DAB1: variants seen among roughly 807,000 people sequenced by gnomAD.
DAB1 encodes DAB adaptor protein 1, also known as disabled homolog 1.
DAB1 carries 15 observed loss-of-function variants against 64.6 expected under a neutral mutation model. That is an observed-to-expected ratio of 0.23 (90% CI 0.16 to 0.36). The LOEUF (loss-of-function observed/expected upper bound fraction) is 0.36, where lower values mean the gene tolerates loss of function less well. Ranked by LOEUF, DAB1 falls within the 10% of genes least tolerant of loss-of-function variation. The pLI is 1.00. For synonymous variants in DAB1, 235 were observed against 251.9 expected, an observed-to-expected ratio of 0.93 and a Z score of 0.64; for missense variants, 596 against 706.7, an observed-to-expected ratio of 0.84 and a Z score of 1.78.
intron 3 of DAB1, among the ~76,000 whole-genome samples, chr1:58,489,256 T>C (rs1368931286): frequency 1.3e-5 from 2 of 152,170 alleles, no homozygotes; most frequent in African/African-American, 2.4e-5. Flanking sequence ...ATACTGCAAT[T>C]TTCCGACGGT....
At chr1:57,203,267 C>T (rs1239875466) in intron 2 of DAB1, among the ~76,000 whole-genome samples, 1 of 152,200 alleles carries the variant, frequency 6.6e-6, no homozygotes, top group African/African-American at 2.4e-5. Flanking sequence ...TCCTTCAAGT[C>T]CCCTCTCACT....
At chr1:58,545,777 T>C (rs997720685) in intron 1 of DAB1, among the ~76,000 whole-genome samples, 9 of 152,246 alleles carry the variant, frequency 5.9e-5, no homozygotes, top group African/African-American at 1.9e-4. Flanking sequence ...CTCTAGTTTC[T>C]ATGGAAACAG....
intron 1 of DAB1, among the ~76,000 whole-genome samples, chr1:57,883,029 C>A (rs1644168996): frequency 6.6e-6 from 1 of 152,180 alleles, no homozygotes; most frequent in Non-Finnish European, 1.5e-5. Flanking sequence ...CTATATCATG[C>A]ATACAGTTTT....
intron 6 of DAB1, among the ~76,000 whole-genome samples, chr1:57,796,295 AG>A (rs1386575006): frequency 3.3e-5 from 5 of 152,022 alleles, no homozygotes; most frequent in African/African-American, 1.2e-4. Flanking sequence ...TGGGAGGCCG[AG>A]GCAGGCGGAT....
At chr1:58,190,336 C>T (rs142748986) in intron 4 of DAB1, among the ~76,000 whole-genome samples, 5 of 152,314 alleles carry the variant, frequency 3.3e-5, no homozygotes, top group East Asian at 1.9e-4. Flanking sequence ...TGTGGGGTTC[C>T]TGACACTGAC....
At chr1:57,805,337 T>G (rs11207110) in intron 6 of DAB1, among the ~76,000 whole-genome samples, 28,265 of 152,150 alleles carry the variant, frequency 0.19, 2,918 homozygotes, top group Admixed American at 0.31. Context: ...TCATAGGATA[T>G]TCACCAAGGT....
At chr1:57,898,338 C>T (rs1250359974) in intron 5 of DAB1, among the ~76,000 whole-genome samples, 1 of 152,134 alleles carries the variant, frequency 6.6e-6, no homozygotes, top group Non-Finnish European at 1.5e-5. Flanking sequence ...TATTTCTTTA[C>T]ATTTGCAAAG....
At chr1:57,948,133 T>C (rs1645211449) in intron 5 of DAB1, among the ~76,000 whole-genome samples, 1 of 152,216 alleles carries the variant, frequency 6.6e-6, no homozygotes, top group Non-Finnish European at 1.5e-5. Context: ...CTCTGGAAAC[T>C]ACATAACTAC....
chr1:57,881,872 A>G (rs971686477), intron 1 of DAB1, among the ~76,000 whole-genome samples: 2 of 152,208 alleles, frequency 1.3e-5, no homozygotes, highest in African/African-American at 4.8e-5. Flanking sequence ...TTTGTTCTAT[A>G]AAAGGAAAGA....
intron 4 of DAB1, among the ~76,000 whole-genome samples, chr1:58,203,291 T>C (rs1658097990): frequency 6.6e-6 from 1 of 152,222 alleles, no homozygotes; most frequent in Admixed American, 6.5e-5. Context: ...CTGTTTTGGA[T>C]TCACCATTAG....
chr1:58,317,663 T>C (rs1662588791), intron 4 of DAB1, among the ~76,000 whole-genome samples: 1 of 152,232 alleles, frequency 6.6e-6, no homozygotes, highest in Non-Finnish European at 1.5e-5. Context: ...AAGTGGATTC[T>C]ACTTCTGAAC....
intron 4 of DAB1, among the ~76,000 whole-genome samples, chr1:57,130,310 C>T (rs1011322836): frequency 4.6e-5 from 7 of 152,120 alleles, no homozygotes; most frequent in Non-Finnish European, 8.8e-5. Context: ...GACATAGGTA[C>T]ATTTATTATC....
In DAB1 at chr1:57,640,065, G is replaced by C. The variant is rs1269513840; in HGVS notation, n.625+9527C>G. Reference sequence around the variant, plus strand: ...AGTCTGCAGAAGCATGGCACGAGAGGAAGTAGAGGCTGTGGGCAGAAGATG... The same window carrying C: ...AGTCTGCAGAAGCATGGCACGAGAGCAAGTAGAGGCTGTGGGCAGAAGATG... On this transcript the variant is annotated intron_variant and non_coding_transcript_variant, in intron 7 of 20. Coordinates refer to the DAB1 transcript ENST00000485760. Among the ~76,000 whole-genome samples the C allele has an allele frequency of 2.0e-5, 3 of 152,168 alleles. No individual in the cohort carries two copies. In the East Asian group the frequency reaches 5.8e-4, roughly 29 times the overall value.
chr1:57,809,392 G>A (rs1651512310), intron 6 of DAB1, among the ~76,000 whole-genome samples: 1 of 152,150 alleles, frequency 6.6e-6, no homozygotes, highest in Non-Finnish European at 1.5e-5. Context: ...CCCAGAGGCA[G>A]GTATCATTAT....
chr1:57,832,100 T>TGC (rs1377064320), intron 1 of DAB1, among the ~76,000 whole-genome samples: 1 of 152,188 alleles, frequency 6.6e-6, no homozygotes, highest in East Asian at 1.9e-4. Flanking sequence ...CATATATCCA[T>TGC]GCATATGTAT....
At chr1:57,311,723 A>G (rs1674723839) in intron 1 of DAB1, among the ~76,000 whole-genome samples, 1 of 152,204 alleles carries the variant, frequency 6.6e-6, no homozygotes, top group Non-Finnish European at 1.5e-5. Flanking sequence ...TTTCCTACAC[A>G]ATCTATATCC....
At chr1:57,101,695 C>T (rs1276114285) in intron 4 of DAB1, among the ~76,000 whole-genome samples, 1 of 152,196 alleles carries the variant, frequency 6.6e-6, no homozygotes, top group African/African-American at 2.4e-5. Context: ...GATTGGTCTT[C>T]TACTCTACAC....
At position 57,577,994 on chromosome 1, in the gene DAB1, C is replaced by T. The variant is rs374344118; in HGVS notation, n.625+71598G>A. Among the ~76,000 whole-genome samples the T allele has an allele frequency of 5.3e-5, 8 of 152,292 alleles. No individual in the cohort carries two copies. In the South Asian group the frequency reaches 1.2e-3, roughly 24 times the overall value. On this transcript the variant is annotated intron_variant and non_coding_transcript_variant, in intron 7 of 20. Coordinates refer to the DAB1 transcript ENST00000485760. ...GCTGAAGAGTGTCCCCAGCTGGGGT[C>T]AACAGAGGTGCCACCTCCACTGCCA...
rs1255657135 is a variant in DAB1 at position 58,459,015 on chromosome 1, T to C, written n.257+47045A>G. On this transcript the variant is annotated intron_variant and non_coding_transcript_variant, in intron 3 of 20. Coordinates refer to the DAB1 transcript ENST00000485760. Reference sequence around the variant, plus strand: ...TGCATGATGCCTGGAATGGAGAAAGTCCTTAATGCATGGTAGCTGTTGTTT... The same window carrying C: ...TGCATGATGCCTGGAATGGAGAAAGCCCTTAATGCATGGTAGCTGTTGTTT... Among the ~76,000 whole-genome samples, 14 of 152,234 alleles carry C rather than the reference T, an allele frequency of 9.2e-5. No homozygotes were observed. In the East Asian group the frequency reaches 2.7e-3, roughly 29 times the overall value.
Sources: gnomAD v4.1 joint callset for allele counts (sites outside exome capture counted in the v4.1 genomes callset) on GRCh38, gnomAD v4.1.1 for gene constraint, MANE v1.5 for transcripts, NCBI Gene and HGNC (gene_info 2026-07-23, HGNC 2026-07-21) for gene names.